The following BCAR3 variants were observed in gnomAD, a reference collection of about 807,000 sequenced individuals.
BCAR3 encodes BCAR3 adaptor protein, NSP family member.
A neutral mutation model predicts 80.1 loss-of-function variants in BCAR3; 37 were observed. The ratio of observed to expected loss-of-function variants is 0.46; its 90% CI spans 0.36 to 0.61. The LOEUF is 0.61. Ranked by LOEUF, BCAR3 falls within the 20% of genes least tolerant of loss-of-function variation. The pLI is 0.00. For missense variants in BCAR3, 978 were observed against 1,068.2 expected (o/e 0.92, Z 1.18); for synonymous variants, 389 against 418.9 (o/e 0.93, Z 0.87).
intron 2 of BCAR3, among the ~76,000 whole-genome samples, chr1:93,828,009 T>C (rs1403980580): frequency 6.6e-6 from 1 of 152,152 alleles, no homozygotes; most frequent in African/African-American, 2.4e-5. Context: ...CTCATGCCTG[T>C]AATCCCAGTG....
In BCAR3 at chr1:93,656,560, C is replaced by T. The variant is rs1228269125; in HGVS notation, c.318-14217G>A. ...TTTTATCTTTTTAAAAAAAAATGTA[C>T]CATACATCGTTATTTTATAGCCTGT... On this transcript the variant is annotated intron_variant, in intron 2 of 11. Transcript: ENST00000260502. 2.0e-5 allele frequency among the ~76,000 whole-genome samples: 3 copies of T among 151,352 alleles called. No homozygotes were observed. The East Asian group carries it at 5.8e-4, about 29-fold the overall frequency.
intron 3 of BCAR3, among the ~76,000 whole-genome samples, chr1:93,704,709 G>A (rs1649775152): frequency 6.6e-6 from 1 of 152,216 alleles, no homozygotes; most frequent in South Asian, 2.1e-4. Context: ...TGATCCATCT[G>A]TTCATGGTGG....
chr1:93,843,462 C>G (rs767323888), intron 2 of BCAR3, among the ~76,000 whole-genome samples: 2 of 152,176 alleles, frequency 1.3e-5, no homozygotes, highest in South Asian at 2.1e-4. Flanking sequence ...ATTCTCATAA[C>G]AATTTTATAA....
intron 3 of BCAR3, 126 bp downstream of exon 3, chr1:93,642,178 T>G: frequency 9.3e-7 from 1 of 1,080,088 alleles, no homozygotes; most frequent in Non-Finnish European, 1.4e-6. Context: ...TTCCTCCCTG[T>G]TGTTTTGGAG....
chr1:93,652,405 C>A (rs1676352290), intron 2 of BCAR3, among the ~76,000 whole-genome samples: 1 of 152,306 alleles, frequency 6.6e-6, no homozygotes. Flanking sequence ...TCCCAGCCAG[C>A]CACCCAATCG....
intron 3 of BCAR3, among the ~76,000 whole-genome samples, chr1:93,697,643 G>A (rs1282041432): frequency 6.6e-6 from 1 of 152,208 alleles, no homozygotes; most frequent in Non-Finnish European, 1.5e-5. Flanking sequence ...CATCCTTCAA[G>A]TGTCCTCTGA....
chr1:93,637,802 G>C (rs968885823), intron 3 of BCAR3, among the ~76,000 whole-genome samples: 26 of 152,200 alleles, frequency 1.7e-4, no homozygotes, highest in African/African-American at 5.5e-4. Flanking sequence ...CTTACCACTG[G>C]CTACAAGATT....
rs568083170 is a variant in BCAR3 at position 93,712,893 on chromosome 1, G to A, written c.-62-6751C>T. Among the ~76,000 whole-genome samples the A allele has an allele frequency of 3.2e-4, 48 of 152,314 alleles. 1 individual carries two copies. In the South Asian group the frequency reaches 5.2e-3, roughly 16 times the overall value. On this transcript the variant is annotated intron_variant, in intron 2 of 13. Transcript: ENST00000370244. ...CACTTGTTGCCTAGTTTTGCATCCT[G>A]TGGCAACTTCCTGCTAGAATGTTCC...
In BCAR3 at chr1:93,815,658, C is replaced by T. The variant is rs117935057; in HGVS notation, c.-63+29909G>A. ...TTCATCCATGTGTGAGATACCATTG[C>T]CTGATTCATTCTGCTGCACAGGCTT... On this transcript the variant is annotated intron_variant, in intron 2 of 13. Coordinates refer to the BCAR3 transcript ENST00000370244. Among the ~76,000 whole-genome samples, 75 of 152,220 alleles carry T rather than the reference C, an allele frequency of 4.9e-4. 1 individual carries two copies. The East Asian group carries it at 0.014, about 29-fold the overall frequency.
chr1:93,842,035 A>T (rs1198072022), intron 2 of BCAR3, among the ~76,000 whole-genome samples: 2 of 152,056 alleles, frequency 1.3e-5, no homozygotes, highest in African/African-American at 4.8e-5. Context: ...CTCCCTGTGT[A>T]ATTCCCTCTC....
At chr1:93,650,850 T>C (rs1676300250) in intron 2 of BCAR3, among the ~76,000 whole-genome samples, 1 of 152,064 alleles carries the variant, frequency 6.6e-6, no homozygotes, top group Admixed American at 6.6e-5. Flanking sequence ...ATGGGAAAGA[T>C]GTGAAATCTG....
At chr1:93,595,824 C>A (rs986158335) in intron 3 of BCAR3, among the ~76,000 whole-genome samples, 25 of 152,228 alleles carry the variant, frequency 1.6e-4, no homozygotes, top group African/African-American at 5.5e-4. Flanking sequence ...AAATGAGATT[C>A]CTGCTTCATA....
chr1:93,799,517 AC>A (rs1262686798), intron 2 of BCAR3, among the ~76,000 whole-genome samples: 2 of 152,190 alleles, frequency 1.3e-5, no homozygotes, highest in African/African-American at 4.8e-5. Context: ...AATTCCAGTT[AC>A]TTTATCTGAA....
chr1:93,676,077 G>C (rs1307742673), intron 1 of BCAR3, among the ~76,000 whole-genome samples: 1 of 152,132 alleles, frequency 6.6e-6, no homozygotes, highest in Non-Finnish European at 1.5e-5. Context: ...CTGGTGAGGA[G>C]AGCTGCCCCT....
chr1:93,736,509 T>C (rs1430428584), intron 2 of BCAR3, among the ~76,000 whole-genome samples: 7 of 152,174 alleles, frequency 4.6e-5, no homozygotes. Flanking sequence ...AATTATAAAA[T>C]ATGCCAGACA....
At chr1:93,689,793 C>T (rs896919116) in intron 3 of BCAR3, among the ~76,000 whole-genome samples, 8 of 152,052 alleles carry the variant, frequency 5.3e-5, no homozygotes, top group Admixed American at 3.3e-4. Flanking sequence ...CTTGTTCTAG[C>T]GCAGGAGGAA....
chr1:93,751,616 A>T (rs1651560116), intron 2 of BCAR3, among the ~76,000 whole-genome samples: 1 of 152,170 alleles, frequency 6.6e-6, no homozygotes, highest in Admixed American at 6.5e-5. Flanking sequence ...TTTTCTTCTA[A>T]ACTGCAGGGA....
At chr1:93,836,879 A>C (rs1301591300) in intron 2 of BCAR3, among the ~76,000 whole-genome samples, 1 of 151,966 alleles carries the variant, frequency 6.6e-6, no homozygotes, top group East Asian at 2.0e-4. Context: ...CCTACTGAGC[A>C]TCTTGTGACC....
intron 2 of BCAR3, among the ~76,000 whole-genome samples, chr1:93,840,287 T>C (rs914483436): frequency 6.6e-6 from 1 of 152,180 alleles, no homozygotes; most frequent in Non-Finnish European, 1.5e-5. Flanking sequence ...CTGGATTCAA[T>C]CCTGCTGCTT....
Sources: allele counts gnomAD v4.1 joint callset (sites outside exome capture counted in the v4.1 genomes callset), GRCh38; gene constraint gnomAD v4.1.1; transcripts MANE v1.5; gene names NCBI Gene and HGNC (gene_info 2026-07-23, HGNC 2026-07-21).